Variants in TRIM41 observed in about 807,000 individuals in gnomAD.
The protein encoded by TRIM41 is tripartite motif containing 41.
A neutral mutation model predicts 60.6 loss-of-function variants in TRIM41; 21 were observed. The observed-to-expected ratio is 0.35, with a 90% CI of 0.25 to 0.50. The LOEUF (loss-of-function observed/expected upper bound fraction) is 0.50. Ranked by LOEUF, TRIM41 falls within the 20% of genes least tolerant of loss-of-function variation. The pLI is 0.98. For missense variants in TRIM41, 846 were observed against 868.3 expected (o/e 0.97, Z 0.32); for synonymous variants, 407 against 344.9 (o/e 1.18, Z -2.00).
chr5:181,223,955 C>A lies in TRIM41; in HGVS notation c.-45C>A. On this transcript the variant is annotated 5_prime_UTR_variant, in exon 1 of 6. Transcript: ENST00000315073. ...GCGTCGGTAGGGAAGACCCCCGCCC[C>A]TCGCCCCCCCACCGAACCTCTACAC... 6.5e-7 allele frequency: 1 copy of A among 1,532,630 alleles called. No individual in the cohort carries two copies. The allele number at this position is 1,532,630 out of a possible 1,614,324, so 94.9% of individuals were successfully genotyped here.
chr5:181,233,073 G>A lies in TRIM41; in HGVS notation c.1140+184G>A, dbSNP rs966029388. The A allele has an allele frequency of 7.9e-5, 59 of 745,874 alleles. No individual in the cohort carries two copies. Among genetic ancestry groups the A allele is most frequent in the African/African-American group, 6.0e-4 (35 of 58,024 alleles). 46.2% of individuals were successfully genotyped at this position (745,874 alleles called of 1,614,324 possible). A position where few individuals can be genotyped will look rare whatever the true frequency, so the allele number is the denominator to read the frequency against. ...TAATGTCGAATGTGGTATGTGTGGC[G>A]ATTATACCCAGTGAAAAGCATGAAG... On this transcript the variant is annotated intron_variant, in intron 3 of 5. Transcript: ENST00000315073. This position sits in a 1 kb window ranked among gnomAD's most constrained non-coding sequence, Gnocchi z 4.1.
At chr5:181,232,355 T>G in intron 2 of TRIM41, 1 of 365,246 alleles carries the variant, frequency 2.7e-6, no homozygotes. Context: ...GATTTAGATC[T>G]GGAGAGGAGG....
At chr5:181,228,560 A>C (rs1368602014) in intron 1 of TRIM41, 3 of 97,660 alleles carry the variant, frequency 3.1e-5, no homozygotes, top group African/African-American at 1.5e-4. Flanking sequence ...TCCCATCTCA[A>C]AAAAAAAAAA....
At chr5:181,230,525 A>AAAAAAAAAAAAAC (rs1341689449) in intron 1 of TRIM41, 1 of 229,244 alleles carries the variant, frequency 4.4e-6, no homozygotes, top group African/African-American at 2.6e-5. Flanking sequence ...AAAAAAAAAA[A>AAAAAAAAAAAAAC]ATACACACAG....
chr5:181,224,090 G>C lies in TRIM41; in HGVS notation c.91G>C (p.Val31Leu), dbSNP rs1758421373. Residue 31 changes from valine (V) to leucine (L), a missense_variant, in exon 1 of 6, where the codon GTG becomes CTG. Val to Leu is a conservative substitution (Grantham distance 32, BLOSUM62 1). Coordinates refer to ENST00000315073, the MANE Select transcript of TRIM41 (RefSeq NM_033549.5). Reference sequence around the variant, plus strand: ...CTGCCTCGATTACTTCACGGACCCCGTGTCCATCGGCTGCGGGCACAACTT... The same window carrying C: ...CTGCCTCGATTACTTCACGGACCCCCTGTCCATCGGCTGCGGGCACAACTT... ...AICLDYFTDP[V>L]SIGCGHNFCR... is the part of the protein sequence containing the mutation. 1 of 1,614,128 alleles carries C rather than the reference G, an allele frequency of 6.2e-7. No individual in the cohort carries two copies. Among genetic ancestry groups the C allele is most frequent in the African/African-American group, 1.3e-5 (1 of 74,954 alleles).
rs778073650 is a variant in TRIM41, at chr5:181,234,272, G to C, written c.1390G>C (p.Asp464His). 2.5e-6 allele frequency: 4 copies of C among 1,612,934 alleles called. No homozygotes were observed. The highest frequency in any genetic ancestry group is 3.3e-5 in the Admixed American group (2 of 59,984). Reference protein sequence around the residue: ...RLAERRQEVADHPKRFSADCC... With the variant: ...RLAERRQEVAHHPKRFSADCC... ...GGCAGAGCGGCGGCAGGAGGTTGCTGACCATCCCAAGCGCTTCTCGGCCGA... is the reference window on the plus strand; with the variant it reads ...GGCAGAGCGGCGGCAGGAGGTTGCTCACCATCCCAAGCGCTTCTCGGCCGA... Residue 464 changes from aspartate to histidine, a missense_variant, in exon 6 of 6, where the codon GAC (aspartate) becomes CAC (histidine). Coordinates refer to ENST00000315073, the MANE Select transcript of TRIM41 (RefSeq NM_033549.5). The surrounding 1 kb of genome is among the most constrained non-coding windows in gnomAD (Gnocchi z 5.6).
intron 2 of TRIM41, 61 bp downstream of exon 2, chr5:181,230,900 T>A (rs1259177171): frequency 6.8e-7 from 1 of 1,473,614 alleles, no homozygotes; most frequent in Non-Finnish European, 9.5e-7. Flanking sequence ...AAGGTAGGGC[T>A]TCCCACTCTC....
rs895283540 is a variant in TRIM41, at chr5:181,235,681, A to G, written c.*906A>G. 3.0e-5 allele frequency: 12 copies of G among 394,244 alleles called. No homozygotes were observed. The highest frequency in any genetic ancestry group is 6.0e-5 in the African/African-American group (3 of 49,798). 24.4% of individuals were successfully genotyped at this position (394,244 alleles called of 1,614,324 possible). ...AGGAGGAGAGCCTTGGGTATAATCT[A>G]TTTTTCTAGGAGCCTCTTGCCTTGT... is the stretch of plus-strand genomic sequence containing the variant. On this transcript the variant is annotated 3_prime_UTR_variant, in exon 6 of 6. Coordinates refer to ENST00000315073, the MANE Select transcript of TRIM41 (RefSeq NM_033549.5).
chr5:181,233,426 C>T lies in TRIM41; in HGVS notation c.1154C>T (p.Thr385Ile). The change falls in exon 4 of 6, where the codon ACT becomes ATT. Residue 385 changes from threonine to isoleucine, a missense_variant. Physicochemically the swap from Thr to Ile is moderately conservative, Grantham distance 89. Transcript: ENST00000315073. The surrounding 1 kb of genome is among the most constrained non-coding windows in gnomAD (Gnocchi z 4.1). ...TCTTATTCCCAGGACATCAAGGAGA[C>T]TTTCAATAGGTGTGTTCCCAGTCTT... Reference protein sequence around the residue: ...GLRLLQDIKETFNRCEEVQLQ... With the variant: ...GLRLLQDIKEIFNRCEEVQLQ... The T allele has an allele frequency of 6.2e-7, 1 of 1,614,142 alleles. No homozygotes were observed.
Position 181,223,591 on chromosome 5 carries a change from G to A in TRIM41, c.-409G>A, listed in dbSNP as rs930496849. The A allele has an allele frequency of 2.2e-6, 1 of 448,836 alleles. No homozygotes were observed. The highest frequency in any genetic ancestry group is 3.8e-5 in the Admixed American group (1 of 26,364). 27.8% of individuals were successfully genotyped at this position (448,836 alleles called of 1,614,324 possible). A position where few individuals can be genotyped will look rare whatever the true frequency, so the allele number is the denominator to read the frequency against. ...CCCTGGGGCCCCGCGGGGAAAAAGGGGGAGTAGCAGGACAGCGGAGGGAAG... is the reference window on the plus strand; with the variant it reads ...CCCTGGGGCCCCGCGGGGAAAAAGGAGGAGTAGCAGGACAGCGGAGGGAAG... On this transcript the variant is annotated 5_prime_UTR_variant, in exon 1 of 6. Coordinates refer to ENST00000315073, the MANE Select transcript of TRIM41 (RefSeq NM_033549.5).
Position 181,224,625 on chromosome 5 carries a change from G to A in TRIM41, c.626G>A (p.Arg209Gln). The A allele has an allele frequency of 6.2e-7, 1 of 1,614,192 alleles. No individual in the cohort carries two copies. ...CTGGCCAATATGGTCCAGGTGATTC[G>A]GCAGATGCACCCAACCCCTGGTCGA... ...LQLANMVQVIRQMHPTPGRGS... is the reference protein window; with the variant it reads ...LQLANMVQVIQQMHPTPGRGS... Residue 209 changes from arginine (R) to glutamine (Q), a missense_variant, in exon 1 of 6, where the codon CGG becomes CAG. Physicochemically the swap from Arg to Gln is conservative, Grantham distance 43 (BLOSUM62 1). Transcript: ENST00000315073.
chr5:181,230,906 C>T (rs1758769923), intron 2 of TRIM41, 67 bp downstream of exon 2: 1 of 1,412,284 alleles, frequency 7.1e-7, no homozygotes, highest in African/African-American at 1.4e-5. Context: ...GGGCTTCCCA[C>T]TCTCACAGGG....
chr5:181,234,301 C>T lies in TRIM41; in HGVS notation c.1419C>T (p.Cys473=), dbSNP rs769556444. ...ADHPKRFSAD[C]CVLGAQGFRS... ...ATCCCAAGCGCTTCTCGGCCGACTG[C>T]TGCGTACTGGGGGCCCAGGGCTTCC... The change falls in exon 6 of 6, where the codon TGC becomes TGT. Residue 473 remains cysteine, a synonymous_variant. Transcript: ENST00000315073. The surrounding 1 kb of genome is among the most constrained non-coding windows in gnomAD (Gnocchi z 5.6). 1.2e-6 allele frequency: 2 copies of T among 1,612,474 alleles called. No individual in the cohort carries two copies. The highest frequency in any genetic ancestry group is 1.3e-5 in the African/African-American group (1 of 74,916).
In TRIM41 at chr5:181,232,121, A is replaced by G. The variant is rs1193771919; in HGVS notation, c.910-538A>G. On this transcript the variant is annotated intron_variant, in intron 2 of 5. Transcript: ENST00000315073. ...CCTAACTTCATGTTTTGATTCCTGA[A>G]TTCTTTTATTTATTCATTTCAAAAA... 4 of 151,956 alleles carry G rather than the reference A, an allele frequency of 2.6e-5. No individual in the cohort carries two copies. The East Asian group carries it at 7.7e-4, about 29-fold the overall frequency. 9.4% of individuals were successfully genotyped at this position (151,956 alleles called of 1,614,324 possible). A position where few individuals can be genotyped will look rare whatever the true frequency, so the allele number is the denominator to read the frequency against.
At position 181,235,429 on chromosome 5, in the gene TRIM41, TCATTA is replaced by T. The variant is rs746155551; in HGVS notation, c.*660_*664del. On this transcript the variant is annotated 3_prime_UTR_variant, in exon 6 of 6. Coordinates refer to ENST00000315073, the MANE Select transcript of TRIM41 (RefSeq NM_033549.5). ...ATTGAAACCACGCACCATTACATCA[TCATTA>T]CATTAATTACATCAACATAAATTAT... The T allele has an allele frequency of 8.7e-6, 14 of 1,613,472 alleles. No homozygotes were observed. Among genetic ancestry groups the T allele is most frequent in the East Asian group, 4.5e-5 (2 of 44,900 alleles).
At position 181,233,707 on chromosome 5, in the gene TRIM41, T is replaced by C; in HGVS notation, c.1235T>C (p.Phe412Ser). The change falls in exon 5 of 6, where the codon TTC becomes TCC. Residue 412 changes from phenylalanine to serine, a missense_variant. Phe to Ser is a radical substitution (Grantham distance 155, BLOSUM62 -2). Transcript: ENST00000315073. The surrounding 1 kb of genome is among the most constrained non-coding windows in gnomAD (Gnocchi z 4.1). ...CCGTGCCAACCCCATAGCCATGACTTCCTGACAGATGCCATCGTGAGGAAA... is the reference window on the plus strand; with the variant it reads ...CCGTGCCAACCCCATAGCCATGACTCCCTGACAGATGCCATCGTGAGGAAA... ...PDPCQPHSHD[F>S]LTDAIVRKMS... is the part of the protein sequence containing the mutation. 6.2e-7 allele frequency: 1 copy of C among 1,614,140 alleles called. No homozygotes were observed. Among genetic ancestry groups the C allele is most frequent in the Non-Finnish European group, 8.5e-7 (1 of 1,180,030 alleles).
rs756939826 is a variant in TRIM41 at position 181,233,443 on chromosome 5, C to T, written c.1163+8C>T. On this transcript the variant is annotated splice_region_variant and intron_variant, in intron 4 of 5. Transcript: ENST00000315073. The surrounding 1 kb of genome is among the most constrained non-coding windows in gnomAD (Gnocchi z 4.1). The stretch of plus-strand genomic sequence containing the variant: ...CAAGGAGACTTTCAATAGGTGTGTT[C>T]CCAGTCTTTGCCCTTCGTGACCCAG... The T allele has an allele frequency of 2.5e-6, 4 of 1,613,992 alleles. No individual in the cohort carries two copies. Among genetic ancestry groups the T allele is most frequent in the African/African-American group, 2.7e-5 (2 of 74,896 alleles).
intron 1 of TRIM41, chr5:181,225,381 A>G (rs1758503368): frequency 1.2e-5 from 2 of 162,686 alleles, no homozygotes; most frequent in Non-Finnish European, 2.7e-5. Context: ...TGGCTCTGCA[A>G]GTTGCATTGT....
intron 2 of TRIM41, chr5:181,231,724 T>C (rs1212290103): frequency 1.3e-5 from 2 of 152,384 alleles, no homozygotes; most frequent in African/African-American, 4.8e-5. Flanking sequence ...CTCCTGGGTA[T>C]AGAGGTAACA....
Sources: gnomAD v4.1 joint callset for allele counts on GRCh38, gnomAD v4.1.1 for gene constraint, Gnocchi (gnomAD v3.1) non-coding constraint, MANE v1.5 for transcripts, NCBI Gene and HGNC (gene_info 2026-07-23, HGNC 2026-07-21) for gene names.